The following FHOD3 variants were observed in gnomAD, a reference collection of about 807,000 sequenced individuals.
FHOD3 encodes the protein formin homology 2 domain containing 3.
Under a neutral mutation model 173.0 loss-of-function variants are expected in FHOD3, and 90 were observed. The observed-to-expected ratio is 0.52, with a 90% CI of 0.44 to 0.62. The LOEUF (loss-of-function observed/expected upper bound fraction) is 0.62. Ranked by LOEUF, FHOD3 falls within the 20% of genes least tolerant of loss-of-function variation. The pLI is 0.00. For missense variants in FHOD3, 1,945 were observed against 2,034.7 expected (o/e 0.96, Z 0.85); for synonymous variants, 828 against 823.0 (o/e 1.01, Z -0.10).
At chr18:36,645,089 AAAG>A (rs1218884461) in intron 10 of FHOD3, among the ~76,000 whole-genome samples, 1 of 152,232 alleles carries the variant, frequency 6.6e-6, no homozygotes, top group South Asian at 2.1e-4. Flanking sequence ...ACATGGAGGA[AAAG>A]AAGACTGAGG....
intron 5 of FHOD3, among the ~76,000 whole-genome samples, chr18:36,521,328 GGTATCTCCATCTCCATTGCACCA>G (rs1300156816): frequency 6.6e-6 from 1 of 151,988 alleles, no homozygotes; most frequent in Non-Finnish European, 1.5e-5. Flanking sequence ...GCTGTGCCCT[GGTATCTCCATCTCCATTGCACCA>G]GTATCTCCAT....
intron 5 of FHOD3, among the ~76,000 whole-genome samples, chr18:36,539,357 A>G (rs993270384): frequency 6.6e-6 from 1 of 152,218 alleles, no homozygotes; most frequent in East Asian, 1.9e-4. Context: ...AACTATTTGA[A>G]TAATTCACGT....
intron 3 of FHOD3, among the ~76,000 whole-genome samples, chr18:36,439,521 A>ATGTGTT (rs2051007123): frequency 6.9e-6 from 1 of 144,732 alleles, no homozygotes; most frequent in Non-Finnish European, 1.5e-5. Context: ...AACCAATAGA[A>ATGTGTT]TGTGTGTGTG....
intron 15 of FHOD3, among the ~76,000 whole-genome samples, chr18:36,686,152 C>T (rs1291502742): frequency 2.0e-5 from 3 of 151,936 alleles, no homozygotes; most frequent in Admixed American, 1.3e-4. Flanking sequence ...CATATGCATA[C>T]GTATGTTCAT....
chr18:36,607,380 G>A (rs1193857556), intron 8 of FHOD3, among the ~76,000 whole-genome samples: 1 of 152,214 alleles, frequency 6.6e-6, no homozygotes, highest in Non-Finnish European at 1.5e-5. Context: ...GAGTGGCCCT[G>A]AGCAGTGAAT....
chr18:36,575,491 A>T (rs2058615729), intron 5 of FHOD3, among the ~76,000 whole-genome samples: 1 of 152,260 alleles, frequency 6.6e-6, no homozygotes, highest in Admixed American at 6.5e-5. Context: ...TATTTTAAGA[A>T]TGGTTATCTT....
In FHOD3 at chr18:36,416,157, C is replaced by T. The variant is rs535430170; in HGVS notation, c.337+43413C>T. 6.6e-5 allele frequency among the ~76,000 whole-genome samples: 10 copies of T among 152,196 alleles called. No homozygotes were observed. The South Asian group carries it at 1.9e-3, about 28-fold the overall frequency. On this transcript the variant is annotated intron_variant, in intron 3 of 28. Transcript: ENST00000590592. ...AAGCAATTCTCCTGCCTCAGCCTTGCGAGTAGCTGGGACTATAGGCGTGCA... is the reference window on the plus strand; with the variant it reads ...AAGCAATTCTCCTGCCTCAGCCTTGTGAGTAGCTGGGACTATAGGCGTGCA...
At chr18:36,672,296 G>T (rs907733714) in intron 14 of FHOD3, among the ~76,000 whole-genome samples, 1 of 152,150 alleles carries the variant, frequency 6.6e-6, no homozygotes, top group Non-Finnish European at 1.5e-5. Flanking sequence ...AAACATGGTG[G>T]TTTAAAACAA....
intron 1 of FHOD3, among the ~76,000 whole-genome samples, chr18:36,337,712 A>T (rs531943266): frequency 7.4e-4 from 113 of 152,310 alleles, no homozygotes; most frequent in African/African-American, 2.7e-3. Flanking sequence ...TGTGGATTTT[A>T]AAATTGGATT....
chr18:36,504,542 T>C (rs1234904845), intron 4 of FHOD3, among the ~76,000 whole-genome samples: 1 of 136,204 alleles, frequency 7.3e-6, no homozygotes, highest in Non-Finnish European at 1.5e-5. Context: ...AATTGAACAA[T>C]GAGAACACAT....
chr18:36,743,897 C>A, intron 22 of FHOD3, 135 bp from the exon 23 acceptor site: 1 of 931,244 alleles, frequency 1.1e-6, no homozygotes, highest in Non-Finnish European at 1.7e-6. Context: ...GATCATGGAG[C>A]ATGTGGCCCC....
At position 36,602,814 on chromosome 18, in the gene FHOD3, A is replaced by G. The variant is rs150962278; in HGVS notation, c.813+46A>G. ...GTTGAATTGCGTCACCTAAAAAGAT[A>G]TGTTAAAGCCCTGACCCCTGGTATC... On this transcript the variant is annotated intron_variant, in intron 8 of 28. Transcript: ENST00000590592. 1.1e-5 allele frequency: 15 copies of G among 1,417,410 alleles called. No individual in the cohort carries two copies. In the African/African-American group the frequency reaches 1.5e-4, roughly 15 times the overall value. 87.8% of individuals were successfully genotyped at this position (1,417,410 alleles called of 1,614,324 possible).
At chr18:36,531,642 G>A (rs1031986965) in intron 5 of FHOD3, among the ~76,000 whole-genome samples, 1 of 152,160 alleles carries the variant, frequency 6.6e-6, no homozygotes, top group Non-Finnish European at 1.5e-5. Flanking sequence ...TGTTTGATAC[G>A]AACAAACATT....
chr18:36,574,030 A>G (rs974688545), intron 5 of FHOD3, among the ~76,000 whole-genome samples: 1 of 152,120 alleles, frequency 6.6e-6, no homozygotes, highest in African/African-American at 2.4e-5. Context: ...ACATCCCTTC[A>G]CTTCTCAGAG....
intron 15 of FHOD3, among the ~76,000 whole-genome samples, chr18:36,684,250 T>C (rs1200354448): frequency 2.6e-5 from 4 of 152,198 alleles, no homozygotes; most frequent in Non-Finnish European, 5.9e-5. Flanking sequence ...CAAGATTCTT[T>C]GTAGAATTTA....
intron 13 of FHOD3, among the ~76,000 whole-genome samples, chr18:36,656,368 A>G (rs1208197275): frequency 6.6e-6 from 1 of 152,164 alleles, no homozygotes; most frequent in African/African-American, 2.4e-5. Flanking sequence ...ATGAGTACTC[A>G]GAAACCAAGT....
chr18:36,568,950 A>C (rs2058365723), intron 5 of FHOD3, among the ~76,000 whole-genome samples: 1 of 152,206 alleles, frequency 6.6e-6, no homozygotes, highest in Admixed American at 6.5e-5. Context: ...TTCAGGAAGT[A>C]AGAGTGAACA....
In FHOD3 at chr18:36,649,382, T is replaced by A; in HGVS notation, c.1263T>A (p.Asp421Glu). 1 of 1,535,710 alleles carries A rather than the reference T, an allele frequency of 6.5e-7. No individual in the cohort carries two copies. The highest frequency in any genetic ancestry group is 8.7e-7 in the Non-Finnish European group (1 of 1,146,690). ...GTTCCGAAGAAGAGAGAGAGGATGA[T>A]GCTTCCTGTCAGGGCAAGGACAGGT... ...EPSSEEERED[D>E]ASCQGKDSKV... The change falls in exon 11 of 29, where the codon GAT (aspartate) becomes GAA (glutamate). Residue 421 changes from aspartate to glutamate, a missense_variant. This residue lies in a region of FHOD3 where 1,099 missense variants were observed against 1,051.2 expected (regional missense o/e 1.05). Transcript: ENST00000590592.
chr18:36,466,065 A>T (rs966826261), intron 3 of FHOD3, among the ~76,000 whole-genome samples: 1 of 152,064 alleles, frequency 6.6e-6, no homozygotes, highest in Admixed American at 6.6e-5. Context: ...AATGCATACA[A>T]ATCTCATGTG....
Sources: gnomAD v4.1 joint callset for allele counts (sites outside exome capture counted in the v4.1 genomes callset) on GRCh38, gnomAD v4.1.1 for gene constraint, gnomAD v4.1.1 regional missense constraint, MANE v1.5 for transcripts, NCBI Gene and HGNC (gene_info 2026-07-23, HGNC 2026-07-21) for gene names.